The following KCNMA1 variants were observed in gnomAD, a reference collection of about 807,000 sequenced individuals.
KCNMA1 encodes the protein potassium calcium-activated channel subfamily M alpha 1.
In KCNMA1, 29 loss-of-function variants were observed where a neutral mutation model predicts 140.0. The observed-to-expected ratio is 0.21, with a 90% CI of 0.15 to 0.28. The LOEUF is 0.28. KCNMA1 is among the 10% of genes least tolerant of loss of function. The pLI is 1.00. For synonymous variants in KCNMA1, 612 were observed against 611.9 expected, an observed-to-expected ratio of 1.00 and a Z score of 0.00; for missense variants, 880 against 1,602.2, an observed-to-expected ratio of 0.55 and a Z score of 7.70.
At chr10:77,490,256 A>T (rs1455842548) in intron 1 of KCNMA1, among the ~76,000 whole-genome samples, 1 of 151,904 alleles carries the variant, frequency 6.6e-6, no homozygotes, top group Admixed American at 6.6e-5. Context: ...TAAATATCCA[A>T]CTCCCATAAT....
At chr10:76,919,701 T>A (rs1303442650) in intron 23 of KCNMA1, among the ~76,000 whole-genome samples, 6 of 152,128 alleles carry the variant, frequency 3.9e-5, no homozygotes, top group African/African-American at 1.4e-4. Flanking sequence ...TCTCTCCTAG[T>A]CTGCTTCTTC....
chr10:77,241,289 C>T (rs954618346), intron 3 of KCNMA1, among the ~76,000 whole-genome samples: 1 of 151,986 alleles, frequency 6.6e-6, no homozygotes, highest in Non-Finnish European at 1.5e-5. Flanking sequence ...ACAAAAAAGT[C>T]TAAATTTTAA....
chr10:77,257,930 G>T (rs1037286089), intron 2 of KCNMA1, among the ~76,000 whole-genome samples: 4 of 152,158 alleles, frequency 2.6e-5, no homozygotes, highest in African/African-American at 9.7e-5. Flanking sequence ...ACAGTATTGG[G>T]TATGTCTTTA....
At chr10:76,917,371 A>C (rs1415853126) in intron 23 of KCNMA1, among the ~76,000 whole-genome samples, 1 of 152,208 alleles carries the variant, frequency 6.6e-6, no homozygotes, top group Admixed American at 6.5e-5. Flanking sequence ...TGCAGGTCAC[A>C]CGGTATTAGG....
At chr10:77,371,376 C>T (rs578223581) in intron 2 of KCNMA1, among the ~76,000 whole-genome samples, 1 of 152,276 alleles carries the variant, frequency 6.6e-6, no homozygotes, top group Admixed American at 6.5e-5. Flanking sequence ...TCTTCAACAG[C>T]TGCACCGCCA....
intron 5 of KCNMA1, among the ~76,000 whole-genome samples, chr10:77,159,725 C>T (rs756690054): frequency 6.6e-6 from 1 of 152,160 alleles, no homozygotes; most frequent in Non-Finnish European, 1.5e-5. Context: ...CAGAACACCA[C>T]CTCCTTTTGG....
intron 1 of KCNMA1, among the ~76,000 whole-genome samples, chr10:77,526,135 G>C (rs758865141): frequency 6.6e-6 from 1 of 152,166 alleles, no homozygotes; most frequent in Non-Finnish European, 1.5e-5. Flanking sequence ...ATCAGACTTG[G>C]TATAAAGCTG....
At chr10:77,325,714 T>C (rs1292350992) in intron 2 of KCNMA1, among the ~76,000 whole-genome samples, 1 of 152,196 alleles carries the variant, frequency 6.6e-6, no homozygotes, top group Non-Finnish European at 1.5e-5. Flanking sequence ...ATTGACACTG[T>C]TGTTGCTGGG....
chr10:76,928,609 C>T (rs2058439412), intron 23 of KCNMA1, among the ~76,000 whole-genome samples: 1 of 152,138 alleles, frequency 6.6e-6, no homozygotes, highest in Non-Finnish European at 1.5e-5. Context: ...GTAAAATATG[C>T]TTTAATATCT....
chr10:77,636,790 C>A lies in KCNMA1; in HGVS notation c.378+475G>T, dbSNP rs1364098669. 2.1e-6 allele frequency: 3 copies of A among 1,454,124 alleles called. No homozygotes were observed. In the African/African-American group the frequency reaches 4.3e-5, roughly 21 times the overall value. The allele number at this position is 1,454,124 out of a possible 1,614,324, so 90.1% of individuals were successfully genotyped here. On this transcript the variant is annotated intron_variant, in intron 1 of 27. Coordinates refer to ENST00000286628, the MANE Select transcript of KCNMA1 (RefSeq NM_001161352.2). ...GATTTTTCCCTTCTTTCTGACCCCACGAACTCATCTCCCCAACAGGTTCCT... is the reference window on the plus strand; with the variant it reads ...GATTTTTCCCTTCTTTCTGACCCCAAGAACTCATCTCCCCAACAGGTTCCT...
At chr10:77,037,101 T>C (rs2153569020) in intron 15 of KCNMA1, among the ~76,000 whole-genome samples, 1 of 152,300 alleles carries the variant, frequency 6.6e-6, no homozygotes, top group South Asian at 2.1e-4. Context: ...GGACATGTTC[T>C]AAATACAAAA....
intron 18 of KCNMA1, 39 bp from the exon 19 acceptor site, chr10:77,001,619 G>A (rs1265438324): frequency 6.7e-7 from 1 of 1,501,520 alleles, no homozygotes; most frequent in Admixed American, 2.0e-5. Context: ...AGGAAGAGCG[G>A]CAATTAATGG....
chr10:77,496,181 C>T (rs1208972935), intron 1 of KCNMA1, among the ~76,000 whole-genome samples: 2 of 152,160 alleles, frequency 1.3e-5, no homozygotes, highest in South Asian at 4.1e-4. Context: ...GGACTCCATT[C>T]CTACCACCTC....
chr10:77,076,861 G>C (rs2096414382), intron 13 of KCNMA1, among the ~76,000 whole-genome samples: 1 of 152,242 alleles, frequency 6.6e-6, no homozygotes, highest in Admixed American at 6.5e-5. Context: ...CTGGATCATA[G>C]GGGATTGAAA....
Position 77,110,260 on chromosome 10 carries a change from G to A in KCNMA1, c.1044C>T (p.Val348=), listed in dbSNP as rs779144466. Residue 348 remains valine (V), a synonymous_variant, in exon 8 of 28, where the codon GTC becomes GTT. Coordinates refer to ENST00000286628, the MANE Select transcript of KCNMA1 (RefSeq NM_001161352.2). The stretch of plus-strand genomic sequence containing the variant: ...CCCCATAACCAACGGTGGACATTGT[G>A]ACCATGAGTAAATAGACACATTCCC... ...TYWECVYLLM[V]TMSTVGYGDV... is the part of the protein sequence containing the mutation. The A allele has an allele frequency of 1.2e-6, 2 of 1,613,852 alleles. No homozygotes were observed. Among genetic ancestry groups the A allele is most frequent in the South Asian group, 2.2e-5 (2 of 91,062 alleles).
intron 2 of KCNMA1, among the ~76,000 whole-genome samples, chr10:77,333,757 A>G (rs2087643398): frequency 6.6e-6 from 1 of 152,160 alleles, no homozygotes; most frequent in South Asian, 2.1e-4. Flanking sequence ...GCCTCAGACT[A>G]CTACGGAGTG....
chr10:77,017,103 G>A (rs185073434), intron 17 of KCNMA1, among the ~76,000 whole-genome samples: 1 of 152,300 alleles, frequency 6.6e-6, no homozygotes, highest in East Asian at 1.9e-4. Flanking sequence ...ATAAAGCACT[G>A]AAATGAGACA....
intron 3 of KCNMA1, chr10:77,250,049 C>T (rs190300328): frequency 1.3e-5 from 2 of 152,302 alleles, no homozygotes; most frequent in East Asian, 1.9e-4. Context: ...ATTTTGGCCT[C>T]TCCACCCAAA....
intron 5 of KCNMA1, among the ~76,000 whole-genome samples, chr10:77,141,924 A>G (rs940468056): frequency 4.6e-5 from 7 of 152,202 alleles, no homozygotes; most frequent in African/African-American, 1.7e-4. Flanking sequence ...AGCATCTATT[A>G]TGTGCCAAGC....
Sources: gnomAD v4.1 joint callset for allele counts (sites outside exome capture counted in the v4.1 genomes callset) on GRCh38, gnomAD v4.1.1 for gene constraint, MANE v1.5 for transcripts, NCBI Gene and HGNC (gene_info 2026-07-23, HGNC 2026-07-21) for gene names.